The following PRKCA variants were observed in gnomAD, a reference collection of about 807,000 sequenced individuals.
PRKCA encodes protein kinase C alpha.
Under a neutral mutation model 87.0 loss-of-function variants are expected in PRKCA, and 27 were observed. That is an observed-to-expected ratio of 0.31 (90% CI 0.23 to 0.43). The LOEUF is 0.43. Among genes scored for constraint, PRKCA ranks in the 20% least tolerant of loss-of-function variants. The probability of loss-of-function intolerance (pLI) is 1.00; values close to 1 mark genes in which losing one functional copy is unlikely to be tolerated. For synonymous variants in PRKCA, 329 were observed against 311.1 expected, an observed-to-expected ratio of 1.06 and a Z score of -0.61; for missense variants, 518 against 852.3, an observed-to-expected ratio of 0.61 and a Z score of 4.88.
intron 2 of PRKCA, among the ~76,000 whole-genome samples, chr17:66,401,747 G>A (rs976868410): frequency 1.6e-4 from 24 of 152,202 alleles, no homozygotes; most frequent in African/African-American, 4.3e-4. Context: ...TGAGTGGTGA[G>A]ACAGAGGGAA....
At chr17:66,306,305 T>G in intron 2 of PRKCA, 178 bp downstream of exon 2, 1 of 448,342 alleles carries the variant, frequency 2.2e-6, no homozygotes, top group Non-Finnish European at 3.8e-6. Flanking sequence ...AATCTGCATA[T>G]AGAGCTGCCT....
chr17:66,425,296 C>G (rs565174923), intron 2 of PRKCA, among the ~76,000 whole-genome samples: 5 of 152,040 alleles, frequency 3.3e-5, no homozygotes, highest in Non-Finnish European at 4.4e-5. Flanking sequence ...ACAGACCTCT[C>G]CCTCCAAGGC....
chr17:66,360,965 TTTTG>T (rs1321060971), intron 2 of PRKCA, among the ~76,000 whole-genome samples: 1 of 152,058 alleles, frequency 6.6e-6, no homozygotes, highest in African/African-American at 2.4e-5. Context: ...TTGCTTTTCT[TTTTG>T]TTTGGGGTAG....
At chr17:66,517,849 A>G (rs1398365670) in intron 3 of PRKCA, among the ~76,000 whole-genome samples, 12 of 152,186 alleles carry the variant, frequency 7.9e-5, no homozygotes, top group Admixed American at 7.9e-4. Context: ...TCTGCTTATC[A>G]GTTTACGCAT....
chr17:66,558,655 C>T (rs1350807428), intron 3 of PRKCA, among the ~76,000 whole-genome samples: 1 of 152,016 alleles, frequency 6.6e-6, no homozygotes, highest in Non-Finnish European at 1.5e-5. Flanking sequence ...ATAAAGATGG[C>T]CCTGACTACT....
intron 2 of PRKCA, among the ~76,000 whole-genome samples, chr17:66,379,722 G>T (rs538217237): frequency 6.6e-6 from 1 of 152,296 alleles, no homozygotes; most frequent in South Asian, 2.1e-4. Flanking sequence ...TCAATTTTGA[G>T]GAAGTCCAGT....
intron 13 of PRKCA, among the ~76,000 whole-genome samples, chr17:66,746,154 C>CTTTTT (rs56319847): frequency 1.9e-4 from 12 of 64,210 alleles, no homozygotes; most frequent in East Asian, 4.5e-4. Flanking sequence ...TGTTGCCTTG[C>CTTTTT]TTTTTTTTTT....
At chr17:66,303,495 G>A (rs951830011) in intron 1 of PRKCA, among the ~76,000 whole-genome samples, 10 of 13,290 alleles carry the variant, frequency 7.5e-4, no homozygotes, top group Admixed American at 2.0e-3. Flanking sequence ...GGCTGGGCGC[G>A]TTCGGGGTGG....
intron 3 of PRKCA, among the ~76,000 whole-genome samples, chr17:66,580,075 A>G (rs1969371273): frequency 6.6e-6 from 1 of 152,112 alleles, no homozygotes; most frequent in African/African-American, 2.4e-5. Flanking sequence ...AAATGAAAGG[A>G]ATGGAGGGAA....
intron 5 of PRKCA, among the ~76,000 whole-genome samples, chr17:66,679,614 C>T (rs1192670486): frequency 6.6e-6 from 1 of 152,260 alleles, no homozygotes; most frequent in Non-Finnish European, 1.5e-5. Context: ...GGGCTCAATA[C>T]AGCACTGCAA....
chr17:66,579,248 T>C (rs1462489244), intron 3 of PRKCA, among the ~76,000 whole-genome samples: 1 of 152,086 alleles, frequency 6.6e-6, no homozygotes, highest in African/African-American at 2.4e-5. Context: ...TGACAAGAGC[T>C]GTGAAGTGGC....
intron 3 of PRKCA, among the ~76,000 whole-genome samples, chr17:66,633,189 G>A (rs764615442): frequency 3.8e-4 from 58 of 152,184 alleles, no homozygotes; most frequent in Non-Finnish European, 6.2e-4. Flanking sequence ...GATACACAAT[G>A]TAATAATTAC....
intron 3 of PRKCA, among the ~76,000 whole-genome samples, chr17:66,583,245 A>G (rs1189137598): frequency 6.6e-6 from 1 of 152,114 alleles, no homozygotes; most frequent in Non-Finnish European, 1.5e-5. Context: ...TAAGTGACAG[A>G]TTTGGTGTTG....
At chr17:66,480,190 C>G (rs1278078500) in intron 2 of PRKCA, among the ~76,000 whole-genome samples, 1 of 152,008 alleles carries the variant, frequency 6.6e-6, no homozygotes, top group Non-Finnish European at 1.5e-5. Context: ...TGTATGGAGA[C>G]TTTCCTAGTT....
intron 5 of PRKCA, among the ~76,000 whole-genome samples, chr17:66,656,966 T>C (rs1312267182): frequency 2.0e-5 from 3 of 152,198 alleles, no homozygotes; most frequent in Non-Finnish European, 4.4e-5. Flanking sequence ...TGTAAAGGAA[T>C]CTCCCATTAA....
At chr17:66,753,381 A>T (rs1043472727) in intron 13 of PRKCA, among the ~76,000 whole-genome samples, 1 of 152,144 alleles carries the variant, frequency 6.6e-6, no homozygotes, top group African/African-American at 2.4e-5. Flanking sequence ...CCAGTGGAGG[A>T]GTCAGTGGAT....
intron 2 of PRKCA, among the ~76,000 whole-genome samples, chr17:66,356,351 T>C (rs1908050269): frequency 6.6e-6 from 1 of 152,128 alleles, no homozygotes; most frequent in Non-Finnish European, 1.5e-5. Flanking sequence ...CAAAACACCA[T>C]ATAGGCCGGC....
At chr17:66,418,123 C>T (rs1451595349) in intron 2 of PRKCA, among the ~76,000 whole-genome samples, 2 of 152,024 alleles carry the variant, frequency 1.3e-5, no homozygotes, top group African/African-American at 4.8e-5. Flanking sequence ...TTTGGAAGGA[C>T]GTGCAGGTGT....
At chr17:66,777,543 G>A in intron 14 of PRKCA, 1 of 983,798 alleles carries the variant, frequency 1.0e-6, no homozygotes, top group Non-Finnish European at 1.2e-6. Flanking sequence ...AACAGGAGTT[G>A]TCTGCTCCTC....
Sources: gnomAD v4.1 joint callset for allele counts (sites outside exome capture counted in the v4.1 genomes callset) on GRCh38, gnomAD v4.1.1 for gene constraint, MANE v1.5 for transcripts, NCBI Gene and HGNC (gene_info 2026-07-23, HGNC 2026-07-21) for gene names.